The following NEK1 variants were observed in gnomAD, a reference collection of about 807,000 sequenced individuals.
NEK1 encodes serine/threonine-protein kinase Nek1.
Under a neutral mutation model 182.1 loss-of-function variants are expected in NEK1, and 137 were observed. The observed-to-expected ratio is 0.75, with a 90% CI of 0.65 to 0.87. The LOEUF is 0.87. Ranked by LOEUF, NEK1 falls within the 40% of genes least tolerant of loss-of-function variation. NEK1 has a pLI of 0.00. For synonymous variants in NEK1, 513 were observed against 492.2 expected, an observed-to-expected ratio of 1.04 and a Z score of -0.56; for missense variants, 1,391 against 1,494.4, an observed-to-expected ratio of 0.93 and a Z score of 1.14.
chr4:169,606,180 AAAG>A (rs765276406), intron 2 of NEK1, among the ~76,000 whole-genome samples: 1 of 151,392 alleles, frequency 6.6e-6, no homozygotes, highest in Non-Finnish European at 1.5e-5. Flanking sequence ...CAAAAAATTA[AAAG>A]AAGTCATACT....
intron 31 of NEK1, among the ~76,000 whole-genome samples, chr4:169,417,891 C>T (rs535637339): frequency 6.6e-6 from 1 of 152,264 alleles, no homozygotes; most frequent in South Asian, 2.1e-4. Flanking sequence ...TGCAGCCTTG[C>T]TAGACTGATG....
At chr4:169,511,311 G>C (rs1754142872) in intron 19 of NEK1, among the ~76,000 whole-genome samples, 1 of 152,072 alleles carries the variant, frequency 6.6e-6, no homozygotes, top group South Asian at 2.1e-4. Context: ...GAGTTGGGGA[G>C]ATGAAGGAAA....
chr4:169,606,354 C>A (rs951870822), intron 2 of NEK1, among the ~76,000 whole-genome samples: 1 of 151,052 alleles, frequency 6.6e-6, no homozygotes. Flanking sequence ...GAAGAGAAGG[C>A]AACAGCAATA....
intron 23 of NEK1, among the ~76,000 whole-genome samples, chr4:169,503,848 A>T (rs1283064036): frequency 6.6e-6 from 1 of 152,164 alleles, no homozygotes; most frequent in Non-Finnish European, 1.5e-5. Context: ...ACCACAGGCA[A>T]CCTAAGTAAA....
intron 10 of NEK1, among the ~76,000 whole-genome samples, chr4:169,584,861 C>G (rs1025832739): frequency 1.3e-5 from 2 of 152,022 alleles, no homozygotes; most frequent in Non-Finnish European, 2.9e-5. Flanking sequence ...TAACGCATAA[C>G]TGGAAAGCAA....
At chr4:169,435,106 G>A (rs1299740473) in intron 28 of NEK1, among the ~76,000 whole-genome samples, 1 of 152,194 alleles carries the variant, frequency 6.6e-6, no homozygotes, top group Non-Finnish European at 1.5e-5. Flanking sequence ...ACTGGGTGGT[G>A]TAAATAATAG....
intron 18 of NEK1, among the ~76,000 whole-genome samples, chr4:169,541,316 T>C (rs1380769885): frequency 6.6e-6 from 1 of 152,132 alleles, no homozygotes; most frequent in African/African-American, 2.4e-5. Flanking sequence ...AAAACACAAA[T>C]GTTAGGTGGC....
rs768682276 is a variant in NEK1 at position 169,555,762 on chromosome 4, A to G, written c.1520T>C (p.Leu507Ser). 19 of 1,613,718 alleles carry G rather than the reference A, an allele frequency of 1.2e-5. No individual in the cohort carries two copies. The African/African-American group carries it at 2.4e-4, about 20-fold the overall frequency. ...TTTAGACACCGCCTTCAATCTTTTC[A>G]AAGTTTTTCTAATATCATCAGCATC... ...FPDADDIRKT[L>S]KRLKAVSKQA... Residue 507 changes from leucine to serine, a missense_variant, in exon 18 of 36, where the codon TTG (leucine) becomes TCG (serine). Transcript: ENST00000507142.
At chr4:169,400,976 C>A (rs912713750) in intron 33 of NEK1, among the ~76,000 whole-genome samples, 1 of 151,302 alleles carries the variant, frequency 6.6e-6, no homozygotes, top group South Asian at 2.1e-4. Context: ...AGCAGCTAAC[C>A]CTAACTAGTA....
intron 11 of NEK1, among the ~76,000 whole-genome samples, chr4:169,580,532 A>G (rs1418485568): frequency 2.0e-5 from 3 of 151,500 alleles, no homozygotes; most frequent in Admixed American, 6.6e-5. Context: ...TATTTTATAT[A>G]AAGATTTACA....
intron 6 of NEK1, among the ~76,000 whole-genome samples, chr4:169,590,239 C>T (rs999413361): frequency 6.6e-6 from 1 of 152,078 alleles, no homozygotes; most frequent in East Asian, 1.9e-4. Context: ...ACCTGGGAGG[C>T]GGAGGTTGTG....
At chr4:169,537,959 C>T (rs771705270) in intron 18 of NEK1, 48 bp from the exon 19 acceptor site, 3 of 1,330,668 alleles carry the variant, frequency 2.3e-6, no homozygotes, top group South Asian at 1.5e-5. Flanking sequence ...AGAAAATATT[C>T]TAAAAAGTTA....
At chr4:169,405,434 C>T (rs1732425860) in intron 32 of NEK1, among the ~76,000 whole-genome samples, 1 of 152,178 alleles carries the variant, frequency 6.6e-6, no homozygotes, top group African/African-American at 2.4e-5. Context: ...CTATACACTA[C>T]TATAGACTTA....
At chr4:169,561,666 T>C (rs1445736980) in intron 15 of NEK1, 21 bp downstream of exon 15, 4 of 1,566,624 alleles carry the variant, frequency 2.6e-6, no homozygotes, top group Non-Finnish European at 3.5e-6. Flanking sequence ...AAAAAGTATA[T>C]TTAATAGATT....
rs1753431802 is a variant in NEK1, at chr4:169,507,181, A to AC, written c.1912-50_1912-49insG. The AC allele has an allele frequency of 4.0e-6, 3 of 749,364 alleles. No homozygotes were observed. The East Asian group carries it at 1.0e-4, about 25-fold the overall frequency. 46.4% of individuals were successfully genotyped at this position (749,364 alleles called of 1,614,324 possible). A position where few individuals can be genotyped will look rare whatever the true frequency, so the allele number is the denominator to read the frequency against. On this transcript the variant is annotated intron_variant, in intron 22 of 35. Coordinates refer to ENST00000507142, the MANE Select transcript of NEK1 (RefSeq NM_001199397.3). ...AATGAGTTACCAGAAAGAAGGGCAGAGGTTTTTTTTTTTTTTTTTGGGCCA... is the reference window on the plus strand; with the variant it reads ...AATGAGTTACCAGAAAGAAGGGCAGACGGTTTTTTTTTTTTTTTTTGGGCCA...
chr4:169,419,316 C>T (rs1297683741), intron 31 of NEK1, among the ~76,000 whole-genome samples: 1 of 151,380 alleles, frequency 6.6e-6, no homozygotes, highest in African/African-American at 2.4e-5. Flanking sequence ...AATGAAAACA[C>T]TTTCATACAA....
intron 31 of NEK1, among the ~76,000 whole-genome samples, chr4:169,415,729 GA>G (rs1281311143): frequency 6.6e-6 from 1 of 152,168 alleles, no homozygotes; most frequent in Non-Finnish European, 1.5e-5. Context: ...GCATTACTCT[GA>G]CTGCCAGTCT....
chr4:169,498,465 T>C (rs947498655), intron 23 of NEK1, among the ~76,000 whole-genome samples: 1 of 152,350 alleles, frequency 6.6e-6, no homozygotes, highest in Non-Finnish European at 1.5e-5. Context: ...AGCTGGTTAT[T>C]TTGCTCATTA....
At chr4:169,524,906 T>C (rs1374199570) in intron 19 of NEK1, among the ~76,000 whole-genome samples, 1 of 152,212 alleles carries the variant, frequency 6.6e-6, no homozygotes, top group Admixed American at 6.5e-5. Flanking sequence ...TTTTGTGCCA[T>C]AATGCAAAGT....
Sources: allele counts gnomAD v4.1 joint callset (sites outside exome capture counted in the v4.1 genomes callset), GRCh38; gene constraint gnomAD v4.1.1; transcripts MANE v1.5; gene names NCBI Gene and HGNC (gene_info 2026-07-23, HGNC 2026-07-21).